FNTA: variants seen among roughly 807,000 people sequenced by gnomAD.
FNTA encodes the protein protein farnesyltransferase/geranylgeranyltransferase type-1 subunit alpha.
Under a neutral mutation model 55.2 loss-of-function variants are expected in FNTA, and 27 were observed. The observed-to-expected ratio is 0.49, with a 90% CI of 0.36 to 0.67. The LOEUF (loss-of-function observed/expected upper bound fraction) is 0.67, where lower values mean the gene tolerates loss of function less well. Ranked by LOEUF, FNTA falls within the 30% of genes least tolerant of loss-of-function variation. The pLI, the probability that FNTA is intolerant of heterozygous loss-of-function variation, is 0.00. For synonymous variants in FNTA, 176 were observed against 170.7 expected (o/e 1.03, Z -0.24); for missense variants, 422 against 464.7 (o/e 0.91, Z 0.85).
rs1811052027 is a variant in FNTA at position 43,082,823 on chromosome 8, G to A, written c.783-295G>A. On this transcript the variant is annotated intron_variant, in intron 6 of 8. Transcript: ENST00000302279. ...AGCACTTTGGGAGGCCGAGGCAGGC[G>A]GATCACAAGGTCAGGAGTTCAAGAC... The A allele has an allele frequency of 5.9e-5, 11 of 186,494 alleles. No homozygotes were observed. The South Asian group carries it at 1.2e-3, about 20-fold the overall frequency. The allele number at this position is 186,494 out of a possible 1,614,324, so 11.6% of individuals were successfully genotyped here. A position where few individuals can be genotyped will look rare whatever the true frequency, so the allele number is the denominator to read the frequency against.
chr8:43,085,311 T>A lies in FNTA; in HGVS notation c.*29T>A, dbSNP rs1563331938. The A allele has an allele frequency of 6.3e-7, 1 of 1,593,814 alleles. No homozygotes were observed. Among genetic ancestry groups the A allele is most frequent in the Non-Finnish European group, 8.5e-7 (1 of 1,173,668 alleles). ...CATCCAGAAGAACTTGATGGAATGC[T>A]TTTATTTTTTATTAAGGGACCCTGC... On this transcript the variant is annotated 3_prime_UTR_variant, in exon 9 of 9. Coordinates refer to ENST00000302279, the MANE Select transcript of FNTA (RefSeq NM_002027.3).
chr8:43,068,899 A>T (rs1261270881), intron 3 of FNTA, among the ~76,000 whole-genome samples: 1 of 151,870 alleles, frequency 6.6e-6, no homozygotes, highest in Admixed American at 6.6e-5. Context: ...TTTAGTAGAG[A>T]TGGGGTTTCT....
intron 4 of FNTA, among the ~76,000 whole-genome samples, chr8:43,069,908 T>G (rs1810748679): frequency 6.6e-6 from 1 of 151,814 alleles, no homozygotes; most frequent in African/African-American, 2.4e-5. Context: ...CCTCCCAAAG[T>G]GCAGGGATTA....
chr8:43,084,793 A>G lies in FNTA; in HGVS notation c.929A>G (p.Tyr310Cys). The change falls in exon 8 of 9, where the codon TAC (tyrosine) becomes TGC (cysteine). Residue 310 changes from tyrosine (Y) to cysteine (C), a missense_variant. This residue lies in a region of FNTA where 262 missense variants were observed against 343.1 expected (regional missense o/e 0.76). Coordinates refer to ENST00000302279, the MANE Select transcript of FNTA (RefSeq NM_002027.3). ...LDLQPSHSSP[Y>C]LIAFLVDIYE... The stretch of plus-strand genomic sequence containing the variant: ...TTACAACCAAGTCATAGTTCCCCCT[A>G]CCTAATTGCCTTTCTTGTGGATATC... The G allele has an allele frequency of 1.2e-6, 2 of 1,613,340 alleles. No homozygotes were observed. Among genetic ancestry groups the G allele is most frequent in the Non-Finnish European group, 8.5e-7 (1 of 1,179,332 alleles).
In FNTA at chr8:43,056,354, C is replaced by T. The variant is rs757777156; in HGVS notation, c.8C>T (p.Ala3Val). The T allele has an allele frequency of 1.1e-5, 15 of 1,419,582 alleles. No individual in the cohort carries two copies. The highest frequency in any genetic ancestry group is 1.4e-5 in the Non-Finnish European group (15 of 1,093,872). The allele number at this position is 1,419,582 out of a possible 1,614,324, so 87.9% of individuals were successfully genotyped here. ...GCTGCGGACCGAGGCGAGATGGCGG[C>T]CACCGAGGGGGTCGGGGAGGCTGCG... MAATEGVGEAAQG... is the reference protein window; with the variant it reads MAVTEGVGEAAQG... The change falls in exon 1 of 9, where the codon GCC (alanine) becomes GTC (valine). Residue 3 changes from alanine to valine, a missense_variant. Ala to Val is a moderately conservative substitution (Grantham distance 64, BLOSUM62 0). Coordinates refer to ENST00000302279, the MANE Select transcript of FNTA (RefSeq NM_002027.3).
intron 7 of FNTA, among the ~76,000 whole-genome samples, chr8:43,083,596 C>A (rs1811066008): frequency 6.6e-6 from 1 of 152,216 alleles, no homozygotes; most frequent in Non-Finnish European, 1.5e-5. Flanking sequence ...TTAACCTACT[C>A]CTCAACTAGA....
chr8:43,064,467 C>A (rs965600002), intron 3 of FNTA, among the ~76,000 whole-genome samples: 1 of 151,986 alleles, frequency 6.6e-6, no homozygotes, highest in African/African-American at 2.4e-5. Context: ...CGCCCACCAC[C>A]ACGCCCAGCT....
At position 43,072,207 on chromosome 8, in the gene FNTA, G is replaced by T; in HGVS notation, c.533G>T (p.Trp178Leu). ...VWHHRRVLVE[W>L]LRDPSQELEF... is the part of the protein sequence containing the mutation. ...CATCATAGGCGAGTATTAGTGGAAT[G>T]GCTAAGAGATCCATCTCAGGAGCTT... The change falls in exon 5 of 9, where the codon TGG becomes TTG. Residue 178 changes from tryptophan (W) to leucine (L), a missense_variant. Physicochemically the swap from Trp to Leu is moderately conservative, Grantham distance 61. Coordinates refer to ENST00000302279, the MANE Select transcript of FNTA (RefSeq NM_002027.3). 6.4e-7 allele frequency: 1 copy of T among 1,573,384 alleles called. No homozygotes were observed.
intron 2 of FNTA, among the ~76,000 whole-genome samples, chr8:43,059,403 C>T (rs1810482738): frequency 6.6e-6 from 1 of 152,064 alleles, no homozygotes; most frequent in African/African-American, 2.4e-5. Context: ...ATAAACGTTA[C>T]AGTATAGTAG....
At position 43,072,019 on chromosome 8, in the gene FNTA, A is replaced by AT. The variant is rs202178856; in HGVS notation, c.507-154dup. Among the ~76,000 whole-genome samples the AT allele has an allele frequency of 2.5e-3, 386 of 151,828 alleles. 2 individuals carry two copies. Among genetic ancestry groups the AT allele is most frequent in the South Asian group, 0.011 (53 of 4,812 alleles). ...GATAAACTATCTGAATTTTTTTTCT[A>AT]TTTTTTTTGTGTTACCTTTTCTCCA... On this transcript the variant is annotated intron_variant, in intron 4 of 8. Coordinates refer to ENST00000302279, the MANE Select transcript of FNTA (RefSeq NM_002027.3).
At chr8:43,069,883 A>G (rs554850498) in intron 4 of FNTA, among the ~76,000 whole-genome samples, 73 of 151,614 alleles carry the variant, frequency 4.8e-4, no homozygotes, top group African/African-American at 1.7e-3. Context: ...ACCTCAGGTG[A>G]TCCGCCCTCC....
At chr8:43,059,772 A>G (rs758147315) in intron 2 of FNTA, among the ~76,000 whole-genome samples, 13 of 149,830 alleles carry the variant, frequency 8.7e-5, no homozygotes, top group Admixed American at 3.4e-4. Context: ...TCTTTCAGTT[A>G]AGGCTTTTCT....
At chr8:43,076,896 T>C (rs1246558316) in intron 5 of FNTA, 1 of 168,562 alleles carries the variant, frequency 5.9e-6, no homozygotes, top group Non-Finnish European at 1.3e-5. Flanking sequence ...TAATAAGATA[T>C]ATTAATATCA....
intron 1 of FNTA, among the ~76,000 whole-genome samples, chr8:43,058,159 C>T (rs1486454131): frequency 2.6e-5 from 4 of 152,142 alleles, no homozygotes; most frequent in Non-Finnish European, 4.4e-5. Context: ...CTCATTTAAT[C>T]CTCCAAATAC....
In FNTA at chr8:43,066,495, G is replaced by A. The variant is rs899600118; in HGVS notation, c.401+2280G>A. Among the ~76,000 whole-genome samples, 82 of 148,648 alleles carry A rather than the reference G, an allele frequency of 5.5e-4. 3 individuals are homozygous for A. The highest frequency in any genetic ancestry group is 2.0e-3 in the African/African-American group (77 of 38,364). On this transcript the variant is annotated intron_variant, in intron 3 of 8. Transcript: ENST00000302279. ...AGGATGGTCTTGATCTCCTGACCTCGTGATCCGCCCGCCTCGGCCTCCCAA... is the reference window on the plus strand; with the variant it reads ...AGGATGGTCTTGATCTCCTGACCTCATGATCCGCCCGCCTCGGCCTCCCAA...
At chr8:43,077,485 A>G (rs1810938826) in intron 6 of FNTA, 121 bp downstream of exon 6, 2 of 597,172 alleles carry the variant, frequency 3.3e-6, no homozygotes, top group Non-Finnish European at 2.9e-6. Context: ...AGGACAGAGT[A>G]CTGAGTGGAA....
At chr8:43,062,729 G>A (rs1013893349) in intron 2 of FNTA, among the ~76,000 whole-genome samples, 12 of 152,124 alleles carry the variant, frequency 7.9e-5, no homozygotes, top group African/African-American at 2.9e-4. Flanking sequence ...AAAATACTTC[G>A]ACACCAAATG....
At chr8:43,073,215 G>A (rs1465802394) in intron 5 of FNTA, among the ~76,000 whole-genome samples, 3 of 152,124 alleles carry the variant, frequency 2.0e-5, no homozygotes, top group South Asian at 2.1e-4. Flanking sequence ...ATATTCTAAA[G>A]GTATTCAATA....
intron 5 of FNTA, chr8:43,073,678 ATG>A (rs1322907454): frequency 6.6e-6 from 1 of 152,030 alleles, no homozygotes; most frequent in African/African-American, 2.4e-5. Flanking sequence ...AAAAAAAATT[ATG>A]TGAGTCAGTG....
Sources: allele counts gnomAD v4.1 joint callset (sites outside exome capture counted in the v4.1 genomes callset), GRCh38; gene constraint gnomAD v4.1.1; regional missense constraint gnomAD v4.1.1; transcripts MANE v1.5; gene names NCBI Gene and HGNC (gene_info 2026-07-23, HGNC 2026-07-21).